LRRK1: variants seen among roughly 807,000 people sequenced by gnomAD.
LRRK1 encodes leucine rich repeat kinase 1, also known as leucine-rich repeat serine/threonine-protein kinase 1.
Under a neutral mutation model 209.1 loss-of-function variants are expected in LRRK1, and 113 were observed. The ratio of observed to expected loss-of-function variants is 0.54; its 90% CI spans 0.46 to 0.63. LRRK1 has a LOEUF of 0.63. LRRK1 is among the 30% of genes least tolerant of loss of function. The probability of loss-of-function intolerance (pLI) is 0.00; values close to 1 mark genes in which losing one functional copy is unlikely to be tolerated. For missense variants in LRRK1, 2,284 were observed against 2,632.2 expected (o/e 0.87, Z 2.89); for synonymous variants, 1,144 against 1,099.7 (o/e 1.04, Z -0.80).
chr15:101,058,851 C>T (rs113323413), intron 29 of LRRK1, among the ~76,000 whole-genome samples: 2 of 151,348 alleles, frequency 1.3e-5, no homozygotes, highest in East Asian at 3.9e-4. Flanking sequence ...AGGCGGTGGC[C>T]AGACAAGACG....
At chr15:101,012,906 G>A (rs1012990537) in intron 10 of LRRK1, among the ~76,000 whole-genome samples, 7 of 152,152 alleles carry the variant, frequency 4.6e-5, no homozygotes, top group African/African-American at 1.7e-4. Context: ...CCCCCGGGGG[G>A]GGGTGGTCCC....
chr15:101,057,956 A>G (rs541142767), intron 28 of LRRK1, 34 bp from the exon 29 acceptor site: 36 of 1,612,278 alleles, frequency 2.2e-5, no homozygotes, highest in Non-Finnish European at 3.1e-5. Context: ...GTTGTAAGTG[A>G]CCTTGCTCTC....
intron 12 of LRRK1, among the ~76,000 whole-genome samples, chr15:101,018,395 TAGAA>T (rs1208511778): frequency 6.6e-6 from 1 of 152,178 alleles, no homozygotes; most frequent in African/African-American, 2.4e-5. Context: ...GGATTTCACT[TAGAA>T]GGAAGGGGAA....
At chr15:100,946,213 A>G (rs893863627) in intron 2 of LRRK1, among the ~76,000 whole-genome samples, 1 of 152,228 alleles carries the variant, frequency 6.6e-6, no homozygotes, top group Non-Finnish European at 1.5e-5. Context: ...TAGAATACAA[A>G]CAGGATTTCT....
intron 2 of LRRK1, among the ~76,000 whole-genome samples, chr15:100,959,909 T>C (rs2042841264): frequency 6.6e-6 from 1 of 152,076 alleles, no homozygotes; most frequent in South Asian, 2.1e-4. Context: ...ATTGGAAAAC[T>C]CTCGGTGCCT....
At chr15:100,997,073 A>G (rs137979150) in intron 6 of LRRK1, among the ~76,000 whole-genome samples, 1 of 133,194 alleles carries the variant, frequency 7.5e-6, no homozygotes, top group Non-Finnish European at 1.6e-5. Flanking sequence ...TATGATTATT[A>G]ATATAATCAT....
In LRRK1 at chr15:101,053,425, C is replaced by G. The variant is rs778530129; in HGVS notation, c.4054+5C>G. ...TGCTGTCCGAGAACGCCAGAGGTAC[C>G]GCGGCGCGCCGCCCCACCCGGCCCC... On this transcript the variant is annotated splice_donor_5th_base_variant and intron_variant, in intron 26 of 33. Coordinates refer to ENST00000388948, the MANE Select transcript of LRRK1 (RefSeq NM_024652.6). The G allele has an allele frequency of 6.4e-7, 1 of 1,568,522 alleles. No homozygotes were observed. The highest frequency in any genetic ancestry group is 8.6e-7 in the Non-Finnish European group (1 of 1,163,522).
At chr15:101,036,718 T>A (rs1479371138) in intron 20 of LRRK1, among the ~76,000 whole-genome samples, 1 of 151,700 alleles carries the variant, frequency 6.6e-6, no homozygotes, top group Non-Finnish European at 1.5e-5. Context: ...TATCTGTGCA[T>A]CTGGTGTAAC....
chr15:100,996,817 A>C (rs2032439494), intron 6 of LRRK1, among the ~76,000 whole-genome samples: 1 of 152,226 alleles, frequency 6.6e-6, no homozygotes, highest in Non-Finnish European at 1.5e-5. Flanking sequence ...GTATTTAGTT[A>C]ACGACAGAGA....
rs191941774 is a variant in LRRK1 at position 101,062,735 on chromosome 15, C to T, written c.4914+45C>T. 2.1e-6 allele frequency: 3 copies of T among 1,399,482 alleles called. No homozygotes were observed. The Admixed American group carries it at 5.0e-5, about 23-fold the overall frequency. The allele number at this position is 1,399,482 out of a possible 1,614,324, so 86.7% of individuals were successfully genotyped here. ...AGGTATGCAGGTCTCTGATGCACTT[C>T]CACGCCTAGGAGGCGTCTCCTAGCT... is the stretch of plus-strand genomic sequence containing the variant. On this transcript the variant is annotated intron_variant, in intron 31 of 33. Transcript: ENST00000388948.
intron 6 of LRRK1, among the ~76,000 whole-genome samples, chr15:100,998,232 C>G (rs1043843358): frequency 6.6e-6 from 1 of 151,380 alleles, no homozygotes; most frequent in African/African-American, 2.4e-5. Context: ...CAGGGAAAGA[C>G]TATACCATCC....
At chr15:100,975,502 A>C (rs1341293823) in intron 3 of LRRK1, among the ~76,000 whole-genome samples, 2 of 152,246 alleles carry the variant, frequency 1.3e-5, no homozygotes, top group Non-Finnish European at 2.9e-5. Flanking sequence ...GGCATCATGG[A>C]CAGTGGCAAC....
chr15:101,002,001 C>T (rs577333392), intron 6 of LRRK1, among the ~76,000 whole-genome samples: 1 of 152,296 alleles, frequency 6.6e-6, no homozygotes, highest in South Asian at 2.1e-4. Flanking sequence ...GTCACAGGGG[C>T]CAGGAATCGT....
At chr15:100,924,355 C>G (rs552220346) in intron 1 of LRRK1, among the ~76,000 whole-genome samples, 156 bp from the exon 2 acceptor site, 1 of 152,296 alleles carries the variant, frequency 6.6e-6, no homozygotes, top group African/African-American at 2.4e-5. Flanking sequence ...GGGAGCTGTG[C>G]CTTCCCACTG....
intron 1 of LRRK1, among the ~76,000 whole-genome samples, chr15:100,922,174 C>T (rs1488900986): frequency 6.6e-6 from 1 of 152,190 alleles, no homozygotes; most frequent in Admixed American, 6.5e-5. Flanking sequence ...AGACATGTAA[C>T]TTGTAATCAT....
chr15:101,009,117 G>A, intron 7 of LRRK1, 54 bp downstream of exon 7: 1 of 1,347,610 alleles, frequency 7.4e-7, no homozygotes. Context: ...TCACCGTTGT[G>A]CTCCTGCACA....
intron 28 of LRRK1, 30 bp downstream of exon 28, chr15:101,057,080 G>C: frequency 6.5e-7 from 1 of 1,543,252 alleles, no homozygotes; most frequent in Non-Finnish European, 8.8e-7. Context: ...CCAGGGCCTG[G>C]GACCTCCTGC....
intron 7 of LRRK1, among the ~76,000 whole-genome samples, chr15:101,009,656 C>T (rs772085715): frequency 3.9e-5 from 6 of 152,122 alleles, no homozygotes; most frequent in African/African-American, 7.2e-5. Context: ...GGCATAATCT[C>T]GGCTCATGGC....
chr15:100,941,334 C>CTGTG (rs2042409176), intron 2 of LRRK1, among the ~76,000 whole-genome samples: 1 of 66,200 alleles, frequency 1.5e-5, no homozygotes, highest in African/African-American at 1.2e-4. Flanking sequence ...GTGTCTGTGT[C>CTGTG]TCTGTGTGTG....
Sources: allele counts gnomAD v4.1 joint callset (sites outside exome capture counted in the v4.1 genomes callset), GRCh38; gene constraint gnomAD v4.1.1; transcripts MANE v1.5; gene names NCBI Gene and HGNC (gene_info 2026-07-23, HGNC 2026-07-21).